Variants in RFWD3 observed in about 807,000 individuals in gnomAD.
RFWD3 encodes the protein E3 ubiquitin-protein ligase RFWD3.
A neutral mutation model predicts 87.7 loss-of-function variants in RFWD3; 65 were observed. The observed-to-expected ratio is 0.74, with a 90% CI of 0.61 to 0.91. RFWD3 has a LOEUF of 0.91. Ranked by LOEUF, RFWD3 falls within the 40% of genes least tolerant of loss-of-function variation. The pLI is 0.00. For synonymous variants in RFWD3, 433 were observed against 352.8 expected (o/e 1.23, Z -2.55); for missense variants, 1,078 against 938.5 (o/e 1.15, Z -1.94).
chr16:74,623,986 C>T lies in RFWD3; in HGVS notation c.2267G>A (p.Arg756His), dbSNP rs376027907. 1.8e-5 allele frequency: 29 copies of T among 1,613,992 alleles called. No individual in the cohort carries two copies. Among genetic ancestry groups the T allele is most frequent in the Admixed American group, 1.2e-4 (7 of 59,994 alleles). ...VLDICPFEVN[R>H]NSYLATLTEK... ...TGTTAAGGTAGCCAAGTAGCTGTTA[C>T]GGTTCACCTCAAATGGGCAGATGTC... The change falls in exon 13 of 13, where the codon CGT (arginine) becomes CAT (histidine). Residue 756 changes from arginine to histidine, a missense_variant. By Grantham distance (29) the Arg-to-His change is conservative. Transcript: ENST00000361070.
At position 74,636,450 on chromosome 16, in the gene RFWD3, G is replaced by A. The variant is rs1222820662; in HGVS notation, c.1322C>T (p.Thr441Ile). 6.2e-7 allele frequency: 1 copy of A among 1,614,062 alleles called. No individual in the cohort carries two copies. Among genetic ancestry groups the A allele is most frequent in the Non-Finnish European group, 8.5e-7 (1 of 1,180,044 alleles). Reference sequence around the variant, plus strand: ...GTTTCCTGCCTGAGATACTGTGAAGGTCTTTTGGAAGTGGTACTTGTGCTT... The same window carrying A: ...GTTTCCTGCCTGAGATACTGTGAAGATCTTTTGGAAGTGGTACTTGTGCTT... ...QHKHKYHFQK[T>I]FTVSQAGNCR... Residue 441 changes from threonine (T) to isoleucine (I), a missense_variant, in exon 8 of 13, where the codon ACC (threonine) becomes ATC (isoleucine). Physicochemically the swap from Thr to Ile is moderately conservative, Grantham distance 89 (BLOSUM62 -1). Transcript: ENST00000361070.
chr16:74,664,099 C>T (rs1961684019), intron 1 of RFWD3, among the ~76,000 whole-genome samples: 1 of 152,198 alleles, frequency 6.6e-6, no homozygotes, highest in African/African-American at 2.4e-5. Context: ...GCAAACTGAA[C>T]AATGTGAGAT....
At chr16:74,650,726 A>C (rs1960496485) in intron 3 of RFWD3, among the ~76,000 whole-genome samples, 1 of 152,116 alleles carries the variant, frequency 6.6e-6, no homozygotes, top group Non-Finnish European at 1.5e-5. Flanking sequence ...AGCTACAAAA[A>C]ATTAGCCAGG....
At chr16:74,643,645 T>C (rs1287331783) in intron 6 of RFWD3, among the ~76,000 whole-genome samples, 1 of 150,794 alleles carries the variant, frequency 6.6e-6, no homozygotes, top group East Asian at 2.0e-4. Context: ...TTGAAGCATA[T>C]ACTGAGTGGT....
At position 74,624,085 on chromosome 16, in the gene RFWD3, G is replaced by C. The variant is rs745511636; in HGVS notation, c.2182-14C>G. ...AGCATCCCACAGCTAAAGAACACAA[G>C]CAGAGGGAAGGGTCAGGAGTCAGTC... On this transcript the variant is annotated splice_polypyrimidine_tract_variant and intron_variant, in intron 12 of 12. Coordinates refer to ENST00000361070, the MANE Select transcript of RFWD3 (RefSeq NM_018124.4). 4 of 1,612,814 alleles carry C rather than the reference G, an allele frequency of 2.5e-6. No homozygotes were observed. Among genetic ancestry groups the C allele is most frequent in the African/African-American group, 1.3e-5 (1 of 74,892 alleles).
chr16:74,658,810 C>G (rs1308259789), intron 2 of RFWD3, among the ~76,000 whole-genome samples: 1 of 151,238 alleles, frequency 6.6e-6, no homozygotes, highest in Non-Finnish European at 1.5e-5. Context: ...TCTTGTCACC[C>G]AGGCTGGATT....
chr16:74,650,861 A>C (rs1960509050), intron 3 of RFWD3, among the ~76,000 whole-genome samples: 1 of 151,814 alleles, frequency 6.6e-6, no homozygotes, highest in Non-Finnish European at 1.5e-5. Flanking sequence ...TGGGGGACAG[A>C]GTGTAACCCT....
At chr16:74,630,758 G>A (rs753796653) in intron 10 of RFWD3, 23 bp downstream of exon 10, 3 of 1,565,300 alleles carry the variant, frequency 1.9e-6, no homozygotes, top group Non-Finnish European at 1.7e-6. Flanking sequence ...CTACCACCAG[G>A]AAAAGAGTGA....
intron 1 of RFWD3, 72 bp downstream of exon 1, chr16:74,666,714 G>C (rs1486817972): frequency 7.0e-6 from 1 of 142,910 alleles, no homozygotes; most frequent in African/African-American, 2.6e-5. Flanking sequence ...CCCAATCCAG[G>C]AATCAGGCGT....
chr16:74,655,204 G>T (rs1342500556), intron 2 of RFWD3, among the ~76,000 whole-genome samples: 1 of 152,154 alleles, frequency 6.6e-6, no homozygotes, highest in Admixed American at 6.5e-5. Context: ...TGACTCTCTT[G>T]TTAGGGGATA....
In RFWD3 at chr16:74,636,361, C is replaced by T. The variant is rs780913159; in HGVS notation, c.1411G>A (p.Ala471Thr). The change falls in exon 8 of 13, where the codon GCC becomes ACC. Residue 471 changes from alanine (A) to threonine (T), a missense_variant. Transcript: ENST00000361070. ...CLVISQPSPQASFLPGFGVKM... is the reference protein window; with the variant it reads ...CLVISQPSPQTSFLPGFGVKM... ...GACTCTTTACCTGGAAGAAAAGAGG[C>T]CTGAGGAGAAGGCTGTGATATCACC... The T allele has an allele frequency of 5.6e-6, 9 of 1,613,994 alleles. No individual in the cohort carries two copies. The highest frequency in any genetic ancestry group is 1.7e-4 in the Middle Eastern group (1 of 6,058).
In RFWD3 at chr16:74,623,849, A is replaced by T; in HGVS notation, c.*79T>A. On this transcript the variant is annotated 3_prime_UTR_variant, in exon 13 of 13. Coordinates refer to ENST00000361070, the MANE Select transcript of RFWD3 (RefSeq NM_018124.4). Reference sequence around the variant, plus strand: ...ATGTTCTAGACTGCAGACAATAAACAGGGATCTTGCTTGGGGCTGCTAGGC... The same window carrying T: ...ATGTTCTAGACTGCAGACAATAAACTGGGATCTTGCTTGGGGCTGCTAGGC... 2 of 1,465,386 alleles carry T rather than the reference A, an allele frequency of 1.4e-6. No individual in the cohort carries two copies. The highest frequency in any genetic ancestry group is 1.9e-6 in the Non-Finnish European group (2 of 1,058,472). The allele number at this position is 1,465,386 out of a possible 1,614,324, so 90.8% of individuals were successfully genotyped here. A position where few individuals can be genotyped will look rare whatever the true frequency, so the allele number is the denominator to read the frequency against.
At position 74,651,873 on chromosome 16, in the gene RFWD3, T is replaced by C. The variant is rs1960592360; in HGVS notation, c.721+47A>G. On this transcript the variant is annotated intron_variant, in intron 3 of 12. Coordinates refer to ENST00000361070, the MANE Select transcript of RFWD3 (RefSeq NM_018124.4). ...GTTTCTAGCCTTCCGAAATTTAAGCTTCATGGATGTTAGCCTTGTGAGTCC... is the reference window on the plus strand; with the variant it reads ...GTTTCTAGCCTTCCGAAATTTAAGCCTCATGGATGTTAGCCTTGTGAGTCC... The C allele has an allele frequency of 4.5e-6, 7 of 1,546,270 alleles. No individual in the cohort carries two copies. In the African/African-American group the frequency reaches 9.6e-5, roughly 21 times the overall value.
intron 12 of RFWD3, 106 bp downstream of exon 12, chr16:74,626,236 AC>A: frequency 1.0e-6 from 1 of 953,690 alleles, no homozygotes. Context: ...AGCAGAACTT[AC>A]ACTTTTTTGC....
At chr16:74,658,491 T>G (rs1377430840) in intron 2 of RFWD3, among the ~76,000 whole-genome samples, 1 of 152,232 alleles carries the variant, frequency 6.6e-6, no homozygotes, top group Non-Finnish European at 1.5e-5. Flanking sequence ...GGACAGTCTG[T>G]CAGATGAGTA....
At chr16:74,634,819 G>T (rs934681060) in intron 8 of RFWD3, among the ~76,000 whole-genome samples, 2 of 151,976 alleles carry the variant, frequency 1.3e-5, no homozygotes, top group African/African-American at 4.8e-5. Flanking sequence ...AAAAAAAAGG[G>T]GGGAAGGGGG....
intron 9 of RFWD3, among the ~76,000 whole-genome samples, chr16:74,631,463 A>ACGCTCTCT (rs1555525199): frequency 6.7e-6 from 1 of 150,160 alleles, no homozygotes; most frequent in South Asian, 2.1e-4. Flanking sequence ...ACAGAGTGAG[A>ACGCTCTCT]CTCTCTCTCT....
At chr16:74,665,656 A>T (rs1336082253) in intron 1 of RFWD3, among the ~76,000 whole-genome samples, 1 of 152,204 alleles carries the variant, frequency 6.6e-6, no homozygotes, top group Non-Finnish European at 1.5e-5. Flanking sequence ...CTATTGCGGG[A>T]AGCCGAGGTG....
chr16:74,666,169 TTAGATAGACAGATTAGATAGA>T (rs1350038239), intron 1 of RFWD3: 1 of 149,020 alleles, frequency 6.7e-6, no homozygotes. Context: ...CATAGATAGA[TTAGATAGACAGATTAGATAGA>T]TAGATAGATA....
Sources: allele counts gnomAD v4.1 joint callset (sites outside exome capture counted in the v4.1 genomes callset), GRCh38; gene constraint gnomAD v4.1.1; transcripts MANE v1.5; gene names NCBI Gene and HGNC (gene_info 2026-07-23, HGNC 2026-07-21).